Variants in NUP98 observed in about 807,000 individuals in gnomAD.
NUP98 encodes the protein nuclear pore complex protein Nup98-Nup96.
NUP98 carries 26 observed loss-of-function variants against 191.9 expected under a neutral mutation model. That is an observed-to-expected ratio of 0.14 (90% CI 0.10 to 0.19). The LOEUF (loss-of-function observed/expected upper bound fraction) is 0.19, where lower values mean the gene tolerates loss of function less well. NUP98 is among the 10% of genes least tolerant of loss of function. NUP98 has a pLI of 1.00. For missense variants in NUP98, 1,941 were observed against 2,178.8 expected (o/e 0.89, Z 2.17); for synonymous variants, 808 against 778.4 (o/e 1.04, Z -0.63).
At chr11:3,737,770 A>C (rs1440327562) in intron 12 of NUP98, among the ~76,000 whole-genome samples, 1 of 152,238 alleles carries the variant, frequency 6.6e-6, no homozygotes, top group African/African-American at 2.4e-5. Flanking sequence ...AGACAGGACA[A>C]GTTTGCTCAG....
intron 28 of NUP98, among the ~76,000 whole-genome samples, chr11:3,687,898 C>G (rs61879792): frequency 6.6e-6 from 1 of 151,620 alleles, no homozygotes; most frequent in African/African-American, 2.4e-5. Context: ...GGTGCAGTGA[C>G]TCATGCCTGT....
At chr11:3,753,179 G>A (rs118050485) in intron 11 of NUP98, 137 bp downstream of exon 11, 10,913 of 715,986 alleles carry the variant, frequency 0.015, 134 homozygotes, top group Non-Finnish European at 0.023. Context: ...TGCTGGGAAT[G>A]TCTTATAAAC....
chr11:3,779,566 G>A (rs1357215878), intron 2 of NUP98, among the ~76,000 whole-genome samples: 1 of 151,696 alleles, frequency 6.6e-6, no homozygotes, highest in Non-Finnish European at 1.5e-5. Flanking sequence ...GCTTGAATCT[G>A]GGAGGCAGAG....
chr11:3,676,105 G>T lies in NUP98; in HGVS notation c.*54C>A. The T allele has an allele frequency of 6.5e-7, 1 of 1,539,448 alleles. No individual in the cohort carries two copies. The highest frequency in any genetic ancestry group is 1.2e-5 in the South Asian group (1 of 86,912). On this transcript the variant is annotated 3_prime_UTR_variant, in exon 33 of 33. Transcript: ENST00000324932. ...ACAGTGCCAATCCAAACAAGGCAGG[G>T]AACCTCTGTGTGGTGTGAATGGGCA...
At chr11:3,716,672 C>T (rs2079194711) in intron 18 of NUP98, among the ~76,000 whole-genome samples, 1 of 152,138 alleles carries the variant, frequency 6.6e-6, no homozygotes, top group African/African-American at 2.4e-5. Flanking sequence ...CACACCACTA[C>T]ACTCAAGCCT....
chr11:3,788,499 G>A (rs904902222), intron 1 of NUP98, among the ~76,000 whole-genome samples: 1 of 152,146 alleles, frequency 6.6e-6, no homozygotes, highest in Non-Finnish European at 1.5e-5. Context: ...GCTGAGGCAG[G>A]AGAACTGCTT....
intron 14 of NUP98, among the ~76,000 whole-genome samples, chr11:3,727,184 C>T (rs1050582710): frequency 6.6e-6 from 1 of 152,052 alleles, no homozygotes; most frequent in Non-Finnish European, 1.5e-5. Flanking sequence ...AAGAAAAAAA[C>T]GTTAGCTGAA....
At chr11:3,788,646 T>C (rs912532479) in intron 1 of NUP98, among the ~76,000 whole-genome samples, 9 of 151,938 alleles carry the variant, frequency 5.9e-5, no homozygotes, top group African/African-American at 2.2e-4. Context: ...TACCTAACTA[T>C]TAAGAATCAC....
intron 22 of NUP98, 109 bp downstream of exon 22, chr11:3,705,091 T>A (rs941290405): frequency 2.1e-6 from 2 of 972,722 alleles, no homozygotes; most frequent in African/African-American, 3.3e-5. Flanking sequence ...GTATAGTTGT[T>A]TGGCAGATAC....
At chr11:3,750,575 A>C (rs894172806) in intron 11 of NUP98, among the ~76,000 whole-genome samples, 19 of 152,194 alleles carry the variant, frequency 1.2e-4, no homozygotes, top group African/African-American at 4.6e-4. Flanking sequence ...ACACAAACAC[A>C]ACTGAGACAA....
At chr11:3,746,896 A>G (rs892483189) in intron 11 of NUP98, among the ~76,000 whole-genome samples, 11 of 150,980 alleles carry the variant, frequency 7.3e-5, no homozygotes, top group Non-Finnish European at 1.6e-4. Context: ...CTGGGCAAGA[A>G]GAGCAAAACG....
intron 23 of NUP98, among the ~76,000 whole-genome samples, chr11:3,701,536 A>C (rs1424624751): frequency 6.6e-6 from 1 of 151,580 alleles, no homozygotes; most frequent in Non-Finnish European, 1.5e-5. Flanking sequence ...GGTGTGAGCC[A>C]CCGTACCCGG....
intron 3 of NUP98, 44 bp downstream of exon 3, chr11:3,779,112 A>G: frequency 4.3e-6 from 7 of 1,613,036 alleles, no homozygotes; most frequent in Non-Finnish European, 5.9e-6. Context: ...CAATTCCTAT[A>G]CTAGCTACAA....
intron 9 of NUP98, among the ~76,000 whole-genome samples, chr11:3,761,392 C>A (rs1280202493): frequency 3.3e-5 from 5 of 151,822 alleles, no homozygotes. Context: ...TCTGAAAGGC[C>A]AAGGCGGAAG....
intron 4 of NUP98, among the ~76,000 whole-genome samples, chr11:3,777,208 A>C (rs980120266): frequency 6.6e-6 from 1 of 152,086 alleles, no homozygotes; most frequent in Admixed American, 6.6e-5. Context: ...ACTAATAAAG[A>C]AATAGCAAAT....
At chr11:3,714,567 T>C (rs2079117070) in intron 18 of NUP98, among the ~76,000 whole-genome samples, 1 of 152,192 alleles carries the variant, frequency 6.6e-6, no homozygotes, top group East Asian at 1.9e-4. Flanking sequence ...GCTCTCCATT[T>C]CCTGCTTCCC....
At chr11:3,797,218 C>T (rs2082687465) in intron 1 of NUP98, among the ~76,000 whole-genome samples, 182 bp downstream of exon 1, 1 of 152,212 alleles carries the variant, frequency 6.6e-6, no homozygotes, top group African/African-American at 2.4e-5. Flanking sequence ...CCTCCAAAGC[C>T]GGGCCTCCCG....
chr11:3,775,028 C>A (rs1291157015), intron 5 of NUP98, among the ~76,000 whole-genome samples: 4 of 152,178 alleles, frequency 2.6e-5, no homozygotes, highest in Non-Finnish European at 5.9e-5. Context: ...ATCCCCCAAA[C>A]ATTTACATCA....
chr11:3,766,474 G>C (rs558637826), intron 8 of NUP98, among the ~76,000 whole-genome samples: 17 of 152,084 alleles, frequency 1.1e-4, no homozygotes, highest in Non-Finnish European at 2.2e-4. Flanking sequence ...TGGATCACCT[G>C]AGGTCAGGAG....
Sources: allele counts gnomAD v4.1 joint callset (sites outside exome capture counted in the v4.1 genomes callset), GRCh38; gene constraint gnomAD v4.1.1; transcripts MANE v1.5; gene names NCBI Gene and HGNC (gene_info 2026-07-23, HGNC 2026-07-21).